Variants in ATP2B2 observed in about 807,000 individuals in gnomAD.
ATP2B2 encodes ATPase plasma membrane Ca2+ transporting 2.
Under a neutral mutation model 120.0 loss-of-function variants are expected in ATP2B2, and 15 were observed. The ratio of observed to expected loss-of-function variants is 0.12; its 90% CI spans 0.08 to 0.19. The LOEUF (loss-of-function observed/expected upper bound fraction) is 0.19. Ranked by LOEUF, ATP2B2 falls within the 10% of genes least tolerant of loss-of-function variation. The pLI, the probability that ATP2B2 is intolerant of heterozygous loss-of-function variation, is 1.00. For missense variants in ATP2B2, 1,045 were observed against 1,719.8 expected, an observed-to-expected ratio of 0.61 and a Z score of 6.94; for synonymous variants, 694 against 700.3, an observed-to-expected ratio of 0.99 and a Z score of 0.14.
At chr3:10,588,925 T>G (rs1240150076) in intron 2 of ATP2B2, among the ~76,000 whole-genome samples, 2 of 152,224 alleles carry the variant, frequency 1.3e-5, no homozygotes, top group Non-Finnish European at 1.5e-5. Context: ...CGGCTGGCAG[T>G]GCTGCGTGAG....
At chr3:10,445,503 C>T (rs2063806845) in intron 2 of ATP2B2, among the ~76,000 whole-genome samples, 2 of 152,198 alleles carry the variant, frequency 1.3e-5, no homozygotes, top group African/African-American at 4.8e-5. Flanking sequence ...CCCTTGGCCT[C>T]ACAGCCTCAC....
At chr3:10,616,397 C>G (rs1175775586) in intron 2 of ATP2B2, among the ~76,000 whole-genome samples, 1 of 152,076 alleles carries the variant, frequency 6.6e-6, no homozygotes, top group African/African-American at 2.4e-5. Flanking sequence ...GGAAACCAGC[C>G]CTGCCAACAC....
At chr3:10,621,668 T>G (rs1439035419) in intron 1 of ATP2B2, among the ~76,000 whole-genome samples, 1 of 152,204 alleles carries the variant, frequency 6.6e-6, no homozygotes, top group Non-Finnish European at 1.5e-5. Flanking sequence ...GCAATCTTAC[T>G]AATAAGGCCA....
At chr3:10,686,600 G>C (rs551181121) in intron 1 of ATP2B2, among the ~76,000 whole-genome samples, 4 of 151,842 alleles carry the variant, frequency 2.6e-5, no homozygotes, top group Non-Finnish European at 5.9e-5. Context: ...CTTGCAGTGA[G>C]CCAAGATCAT....
chr3:10,647,541 G>A (rs1197996251), intron 1 of ATP2B2, among the ~76,000 whole-genome samples: 1 of 152,164 alleles, frequency 6.6e-6, no homozygotes, highest in African/African-American at 2.4e-5. Flanking sequence ...GGGAAGTGGG[G>A]AGGATGAACA....
At chr3:10,681,597 G>T (rs2071385645) in intron 1 of ATP2B2, among the ~76,000 whole-genome samples, 2 of 152,318 alleles carry the variant, frequency 1.3e-5, no homozygotes, top group African/African-American at 4.8e-5. Context: ...ATACAAGTAT[G>T]AAAAACAGAC....
chr3:10,568,141 C>G (rs546117913), intron 2 of ATP2B2, among the ~76,000 whole-genome samples: 1 of 152,282 alleles, frequency 6.6e-6, no homozygotes, highest in South Asian at 2.1e-4. Context: ...CAGGCTGTGC[C>G]CCTGACACTG....
chr3:10,469,982 T>G (rs558309367), intron 1 of ATP2B2, among the ~76,000 whole-genome samples: 23 of 152,106 alleles, frequency 1.5e-4, no homozygotes, highest in African/African-American at 5.3e-4. Context: ...GGTGTCAGTA[T>G]ATAATAATAG....
intron 1 of ATP2B2, among the ~76,000 whole-genome samples, chr3:10,491,224 A>ATTTTTTTTT: frequency 8.3e-6 from 1 of 119,988 alleles, no homozygotes; most frequent in African/African-American, 3.2e-5. Flanking sequence ...CCTTCATTCC[A>ATTTTTTTTT]TTTTTTTTTT....
chr3:10,499,976 C>G (rs183161654), intron 1 of ATP2B2, among the ~76,000 whole-genome samples: 1 of 145,014 alleles, frequency 6.9e-6, no homozygotes, highest in African/African-American at 2.6e-5. Context: ...CACTCTGTCA[C>G]CCAGGCTAGA....
At chr3:10,583,148 A>G (rs1253270153) in intron 2 of ATP2B2, among the ~76,000 whole-genome samples, 2 of 152,226 alleles carry the variant, frequency 1.3e-5, no homozygotes, top group Non-Finnish European at 2.9e-5. Context: ...AGTACATGAT[A>G]TGATTTAGAC....
chr3:10,466,381 C>T (rs1403039888), intron 1 of ATP2B2, among the ~76,000 whole-genome samples: 5 of 152,154 alleles, frequency 3.3e-5, no homozygotes, highest in African/African-American at 2.4e-5. Flanking sequence ...AGCCTGCACA[C>T]GTCTGAGTGG....
chr3:10,545,439 G>T (rs1484100564), intron 2 of ATP2B2, among the ~76,000 whole-genome samples: 1 of 151,560 alleles, frequency 6.6e-6, no homozygotes, highest in Non-Finnish European at 1.5e-5. Flanking sequence ...TGCAGCGAGA[G>T]AATCGCTTGA....
At chr3:10,609,533 A>G (rs2125605596) in intron 2 of ATP2B2, among the ~76,000 whole-genome samples, 1 of 152,314 alleles carries the variant, frequency 6.6e-6, no homozygotes, top group South Asian at 2.1e-4. Context: ...TGGGGGTTGG[A>G]TGGTAAAGCA....
intron 3 of ATP2B2, among the ~76,000 whole-genome samples, chr3:10,522,081 C>G (rs1024121252): frequency 1.3e-5 from 2 of 151,998 alleles, no homozygotes; most frequent in African/African-American, 4.8e-5. Flanking sequence ...TGTGGGTGGG[C>G]ACAAGGCAGA....
At chr3:10,359,837 C>T (rs1029015975) in intron 13 of ATP2B2, 45 bp downstream of exon 13, 2 of 1,613,098 alleles carry the variant, frequency 1.2e-6, no homozygotes, top group Admixed American at 3.3e-5. Context: ...CAGCTCCCTG[C>T]ACCAGGGCAC....
intron 2 of ATP2B2, among the ~76,000 whole-genome samples, chr3:10,536,336 T>C (rs1384480641): frequency 2.0e-5 from 3 of 151,892 alleles, no homozygotes; most frequent in South Asian, 2.1e-4. Flanking sequence ...ACAGGATTTT[T>C]TTTTTTTTTG....
rs2061251588 is a variant in ATP2B2, at chr3:10,371,822, G to A, written c.1646C>T (p.Thr549Ile). The part of the protein sequence containing the change: ...INAIAINSAY[T>I]TKILPPEKEG... ...GTCCACACTTACCAGAATCTTGGTG[G>A]TGTAGGCGCTGTTGATGGCGATGGC... The change falls in exon 12 of 23, where the codon ACC becomes ATC. Residue 549 changes from threonine (T) to isoleucine (I), a missense_variant. Physicochemically the swap from Thr to Ile is moderately conservative, Grantham distance 89. Coordinates refer to ENST00000360273, the MANE Select transcript of ATP2B2 (RefSeq NM_001001331.4). 6.2e-7 allele frequency: 1 copy of A among 1,614,188 alleles called. No individual in the cohort carries two copies. Among genetic ancestry groups the A allele is most frequent in the Non-Finnish European group, 8.5e-7 (1 of 1,180,032 alleles).
chr3:10,485,697 G>C (rs530832082), intron 1 of ATP2B2, among the ~76,000 whole-genome samples: 1 of 152,354 alleles, frequency 6.6e-6, no homozygotes, highest in Non-Finnish European at 1.5e-5. Flanking sequence ...CACCTCTGCA[G>C]AGAATCGCAA....
Sources: allele counts gnomAD v4.1 joint callset (sites outside exome capture counted in the v4.1 genomes callset), GRCh38; gene constraint gnomAD v4.1.1; transcripts MANE v1.5; gene names NCBI Gene and HGNC (gene_info 2026-07-23, HGNC 2026-07-21).